NTM: variants seen among roughly 807,000 people sequenced by gnomAD.
NTM encodes neurotrimin.
NTM carries 13 observed loss-of-function variants against 42.1 expected under a neutral mutation model. The ratio of observed to expected loss-of-function variants is 0.31; its 90% confidence interval spans 0.20 to 0.49. NTM has a LOEUF of 0.49. Among genes scored for constraint, NTM ranks in the 20% least tolerant of loss-of-function variants. The pLI, the probability that NTM is intolerant of heterozygous loss-of-function variation, is 0.99. For missense variants in NTM, 373 were observed against 452.8 expected (o/e 0.82, Z 1.60); for synonymous variants, 187 against 179.2 (o/e 1.04, Z -0.35).
chr11:132,321,217 C>G (rs920421787), intron 7 of NTM, among the ~76,000 whole-genome samples: 2 of 152,148 alleles, frequency 1.3e-5, no homozygotes, highest in African/African-American at 4.8e-5. Flanking sequence ...TTCAGACAAT[C>G]AAATTGCTCT....
At chr11:131,734,054 T>C (rs567635067) in intron 1 of NTM, among the ~76,000 whole-genome samples, 4 of 152,332 alleles carry the variant, frequency 2.6e-5, no homozygotes, top group East Asian at 1.9e-4. Context: ...TAGCAACTGA[T>C]GGCAGACTGC....
At chr11:131,765,792 T>C (rs2085002716) in intron 1 of NTM, among the ~76,000 whole-genome samples, 1 of 152,188 alleles carries the variant, frequency 6.6e-6, no homozygotes, top group African/African-American at 2.4e-5. Context: ...AAAGAATTAA[T>C]CTAAGTAGAG....
chr11:131,711,546 A>G (rs1331517208), intron 1 of NTM, among the ~76,000 whole-genome samples: 16 of 152,166 alleles, frequency 1.1e-4, no homozygotes, highest in African/African-American at 1.9e-4. Context: ...TCGTAAACTA[A>G]TTCAACCATT....
At chr11:132,125,340 T>C (rs904252409) in intron 2 of NTM, among the ~76,000 whole-genome samples, 30 of 136,076 alleles carry the variant, frequency 2.2e-4, no homozygotes, top group African/African-American at 7.6e-4. Context: ...TGTGGTGTGG[T>C]ATGTGATTGT....
intron 2 of NTM, among the ~76,000 whole-genome samples, chr11:132,091,441 T>C (rs2060362205): frequency 6.6e-6 from 1 of 152,000 alleles, no homozygotes; most frequent in African/African-American, 2.4e-5. Context: ...TAATAAATTA[T>C]CTTTTCATAG....
chr11:131,387,053 G>A (rs1261700465), intron 1 of NTM, among the ~76,000 whole-genome samples: 3 of 152,036 alleles, frequency 2.0e-5, no homozygotes, highest in Non-Finnish European at 4.4e-5. Flanking sequence ...TCTCAGCCCA[G>A]TCTATCATTA....
chr11:131,447,549 C>T (rs772425333), intron 1 of NTM, among the ~76,000 whole-genome samples: 5 of 152,246 alleles, frequency 3.3e-5, no homozygotes, highest in South Asian at 2.1e-4. Context: ...CGGCAGCTCT[C>T]GGGAGAGGGA....
Position 132,229,832 on chromosome 11 carries a change from G to A in NTM, c.526+17685G>A, listed in dbSNP as rs372020037. Among the ~76,000 whole-genome samples, 23 of 152,278 alleles carry A rather than the reference G, an allele frequency of 1.5e-4. 1 individual carries two copies. The highest frequency in any genetic ancestry group is 5.3e-4 in the African/African-American group (22 of 41,570). On this transcript the variant is annotated intron_variant, in intron 4 of 8. Transcript: ENST00000683400. Reference sequence around the variant, plus strand: ...CCTCTATGGATAGAAGGACCACATGGCAAGTCTTGGCATGTTCACTCAAGG... The same window carrying A: ...CCTCTATGGATAGAAGGACCACATGACAAGTCTTGGCATGTTCACTCAAGG...
At chr11:131,779,390 T>C (rs10791167) in intron 1 of NTM, among the ~76,000 whole-genome samples, 28,322 of 152,084 alleles carry the variant, frequency 0.19, 2,693 homozygotes, top group African/African-American at 0.22. Flanking sequence ...AATATAACTA[T>C]ATACAACATT....
chr11:132,017,007 T>A (rs1419325289), intron 2 of NTM, among the ~76,000 whole-genome samples: 1 of 152,022 alleles, frequency 6.6e-6, no homozygotes, highest in Admixed American at 6.6e-5. Flanking sequence ...CTTCTTATGT[T>A]GTAAGAATTT....
At chr11:131,595,208 C>A (rs1338352742) in intron 1 of NTM, among the ~76,000 whole-genome samples, 1 of 152,144 alleles carries the variant, frequency 6.6e-6, no homozygotes, top group Non-Finnish European at 1.5e-5. Flanking sequence ...CCAGCCACAG[C>A]AAAATCCTAG....
At chr11:131,643,160 C>T (rs1295962451) in intron 1 of NTM, among the ~76,000 whole-genome samples, 1 of 152,080 alleles carries the variant, frequency 6.6e-6, no homozygotes, top group East Asian at 1.9e-4. Flanking sequence ...TCGTTATTTT[C>T]AGCAAGTAAC....
chr11:132,073,313 T>C (rs1311735901), intron 2 of NTM, among the ~76,000 whole-genome samples: 1 of 152,104 alleles, frequency 6.6e-6, no homozygotes, highest in Non-Finnish European at 1.5e-5. Flanking sequence ...ACTAGAAAAA[T>C]GGGAGCAGAG....
At chr11:131,809,860 C>T (rs563650556) in intron 1 of NTM, among the ~76,000 whole-genome samples, 31 of 152,290 alleles carry the variant, frequency 2.0e-4, no homozygotes, top group African/African-American at 3.8e-4. Flanking sequence ...AGCTGTCCTT[C>T]GAAATCACCT....
chr11:131,844,495 C>A (rs1426524416), intron 1 of NTM, among the ~76,000 whole-genome samples: 2 of 152,178 alleles, frequency 1.3e-5, no homozygotes, highest in African/African-American at 4.8e-5. Flanking sequence ...TCTAGTACCA[C>A]ACAACATTCT....
At chr11:131,895,100 C>G (rs1014976476) in intron 1 of NTM, among the ~76,000 whole-genome samples, 1 of 152,184 alleles carries the variant, frequency 6.6e-6, no homozygotes, top group Admixed American at 6.5e-5. Context: ...AAAGAGAAAA[C>G]CTGCAGCTCT....
At chr11:132,287,791 T>C (rs138482735) in intron 4 of NTM, among the ~76,000 whole-genome samples, 4 of 152,336 alleles carry the variant, frequency 2.6e-5, no homozygotes, top group African/African-American at 9.6e-5. Flanking sequence ...CTAATAAGCT[T>C]ACATTGCATG....
At chr11:131,693,168 C>G (rs1249558842) in intron 1 of NTM, among the ~76,000 whole-genome samples, 8 of 152,070 alleles carry the variant, frequency 5.3e-5, no homozygotes, top group African/African-American at 1.9e-4. Flanking sequence ...GGGAAATTCA[C>G]AAACAATCCC....
At chr11:132,029,982 A>C (rs1045896136) in intron 2 of NTM, among the ~76,000 whole-genome samples, 3 of 152,210 alleles carry the variant, frequency 2.0e-5, no homozygotes, top group Non-Finnish European at 2.9e-5. Context: ...TGGAACTTAA[A>C]ACATTGCAAT....
Sources: gnomAD v4.1 joint callset for allele counts (sites outside exome capture counted in the v4.1 genomes callset) on GRCh38, gnomAD v4.1.1 for gene constraint, MANE v1.5 for transcripts, NCBI Gene and HGNC (gene_info 2026-07-23, HGNC 2026-07-21) for gene names.